Variants in TENM3 observed in about 807,000 individuals in gnomAD.
TENM3 encodes teneurin transmembrane protein 3.
Under a neutral mutation model 255.1 loss-of-function variants are expected in TENM3, and 63 were observed. The ratio of observed to expected loss-of-function variants is 0.25; its 90% CI spans 0.20 to 0.30. The LOEUF (loss-of-function observed/expected upper bound fraction) is 0.30. Ranked by LOEUF, TENM3 falls within the 10% of genes least tolerant of loss-of-function variation. TENM3 has a pLI of 1.00. For synonymous variants in TENM3, 1,306 were observed against 1,322.3 expected, an observed-to-expected ratio of 0.99 and a Z score of 0.27; for missense variants, 2,929 against 3,461.1, an observed-to-expected ratio of 0.85 and a Z score of 3.86.
At chr4:182,782,374 A>T (rs368024289) in intron 24 of TENM3, among the ~76,000 whole-genome samples, 21 of 127,010 alleles carry the variant, frequency 1.7e-4, no homozygotes, top group Non-Finnish European at 2.8e-4. Context: ...TTTGAGTGAG[A>T]TTCTTAATCC....
chr4:181,476,126 A>G, the TENM3 span, among the ~76,000 whole-genome samples: 1 of 152,148 alleles, frequency 6.6e-6, no homozygotes. Context: ...TGTTTAAGCT[A>G]CATCTTCCCT....
the TENM3 span, among the ~76,000 whole-genome samples, chr4:181,521,177 C>G: frequency 6.6e-6 from 1 of 152,196 alleles, no homozygotes; most frequent in African/African-American, 2.4e-5. Flanking sequence ...CATCTGAGAC[C>G]CTGGCGCCCT....
At chr4:182,581,029 T>C (rs1745447590) in intron 3 of TENM3, among the ~76,000 whole-genome samples, 1 of 152,218 alleles carries the variant, frequency 6.6e-6, no homozygotes. Flanking sequence ...AATTTTATTG[T>C]CATACAAAAA....
At chr4:182,262,722 T>TG (rs1758896278) in intron 1 of TENM3, among the ~76,000 whole-genome samples, 2 of 81,944 alleles carry the variant, frequency 2.4e-5, no homozygotes, top group African/African-American at 9.2e-5. Context: ...TTTACTTTCT[T>TG]TTTTTTTTTT....
rs76170453 is a variant in TENM3 at position 182,283,570 on chromosome 4, T to C, written c.-76+40094T>C. 5.9e-3 allele frequency among the ~76,000 whole-genome samples: 904 copies of C among 152,330 alleles called. 12 individuals are homozygous for C. Among genetic ancestry groups the C allele is most frequent in the African/African-American group, 0.021 (856 of 41,586 alleles). On this transcript the variant is annotated intron_variant, in intron 1 of 27. Coordinates refer to ENST00000511685, the MANE Select transcript of TENM3 (RefSeq NM_001080477.4). ...AAATGTATCTGGTTGGCTCCCAAGA[T>C]GGAGTGGCAGAGCTCATCTGTAGAG...
the TENM3 span, among the ~76,000 whole-genome samples, chr4:181,831,856 G>T: frequency 6.6e-6 from 1 of 151,984 alleles, no homozygotes; most frequent in Non-Finnish European, 1.5e-5. Flanking sequence ...TTTACTAGGA[G>T]CAATACACTA....
At position 182,681,886 on chromosome 4, in the gene TENM3, G is replaced by T; in HGVS notation, c.1907G>T (p.Trp636Leu). The T allele has an allele frequency of 6.2e-7, 1 of 1,613,878 alleles. No individual in the cohort carries two copies. The highest frequency in any genetic ancestry group is 8.5e-7 in the Non-Finnish European group (1 of 1,179,818). ...GGGGAATGTCACTGCAGTCCAGGAT[G>T]GGGAGGTAGCAATTGTGAAATACTG... ...IHGECHCSPG[W>L]GGSNCEILKT... Residue 636 changes from tryptophan (W) to leucine (L), a missense_variant, in exon 11 of 28, where the codon TGG becomes TTG. Transcript: ENST00000511685.
At chr4:182,359,476 A>AT (rs1490706735) in intron 3 of TENM3, among the ~76,000 whole-genome samples, 1 of 149,384 alleles carries the variant, frequency 6.7e-6, no homozygotes, top group Non-Finnish European at 1.5e-5. Flanking sequence ...GAATTTATCC[A>AT]TTTTTTCTAG....
chr4:181,592,828 A>C, the TENM3 span, among the ~76,000 whole-genome samples: 1 of 152,266 alleles, frequency 6.6e-6, no homozygotes, highest in East Asian at 1.9e-4. Context: ...TCTGAAGGTT[A>C]CTTCTGCTCA....
the TENM3 span, among the ~76,000 whole-genome samples, chr4:181,582,393 T>C: frequency 2.0e-5 from 3 of 152,162 alleles, no homozygotes; most frequent in Admixed American, 6.5e-5. Context: ...CTGATACTGA[T>C]GTACCTTCCT....
rs537804948 is a variant in TENM3, at chr4:182,612,133, G to A, written c.749+10972G>A. ...AAATACAAAAAAAAATTAGCCGGGC[G>A]TGGTGGCGGATGCCTGTAATCTGAG... On this transcript the variant is annotated intron_variant, in intron 4 of 27. Transcript: ENST00000511685. 8.5e-5 allele frequency among the ~76,000 whole-genome samples: 13 copies of A among 152,084 alleles called. No individual in the cohort carries two copies. In the South Asian group the frequency reaches 2.3e-3, roughly 27 times the overall value.
At chr4:182,667,807 G>A (rs979867478) in intron 6 of TENM3, among the ~76,000 whole-genome samples, 23 of 151,826 alleles carry the variant, frequency 1.5e-4, no homozygotes, top group African/African-American at 5.6e-4. Flanking sequence ...CATGGGGTGG[G>A]GGGAGTGGGG....
rs1469178346 is a variant in TENM3 at position 182,176,856 on chromosome 4, G to A, written c.-76+32102G>A. Among the ~76,000 whole-genome samples the A allele has an allele frequency of 9.2e-5, 10 of 108,722 alleles. No individual in the cohort carries two copies. In the Admixed American group the frequency reaches 1.1e-3, roughly 12 times the overall value. 71.3% of individuals were successfully genotyped at this position (108,722 alleles called of 152,430 possible). A position where few individuals can be genotyped will look rare whatever the true frequency, so the allele number is the denominator to read the frequency against. ...TTTTTTTTTTTTTTTTTGATTTTTA[G>A]TAGAGATGAGGTTTCACCATGTTGG... On this transcript the variant is annotated intron_variant, in intron 1 of 2. Coordinates refer to the TENM3 transcript ENST00000512480.
chr4:182,084,479 A>G, the TENM3 span, among the ~76,000 whole-genome samples: 1 of 152,226 alleles, frequency 6.6e-6, no homozygotes, highest in Non-Finnish European at 1.5e-5. Context: ...AGTAGCATTC[A>G]CTTACAGATT....
chr4:182,004,094 C>CA, the TENM3 span, among the ~76,000 whole-genome samples: 1 of 151,502 alleles, frequency 6.6e-6, no homozygotes, highest in African/African-American at 2.4e-5. Context: ...TTTATTTCTT[C>CA]TAAAAAAACA....
chr4:181,541,645 A>G, the TENM3 span, among the ~76,000 whole-genome samples: 1 of 152,194 alleles, frequency 6.6e-6, no homozygotes, highest in Non-Finnish European at 1.5e-5. Flanking sequence ...GATGCCAAGG[A>G]TGGCCCTCCC....
At chr4:181,773,672 C>A in the TENM3 span, among the ~76,000 whole-genome samples, 1 of 152,194 alleles carries the variant, frequency 6.6e-6, no homozygotes, top group Non-Finnish European at 1.5e-5. Context: ...AATGCTTCTA[C>A]ACATCAGTAG....
At chr4:181,898,401 T>C in the TENM3 span, among the ~76,000 whole-genome samples, 3 of 152,210 alleles carry the variant, frequency 2.0e-5, no homozygotes, top group Non-Finnish European at 4.4e-5. Context: ...TATTTATATC[T>C]AAAGCCTGTT....
At chr4:182,292,385 T>A (rs1163490535) in intron 1 of TENM3, among the ~76,000 whole-genome samples, 2 of 152,216 alleles carry the variant, frequency 1.3e-5, no homozygotes. Context: ...GGTAATAGAT[T>A]GCTTGTCTCA....
Sources: gnomAD v4.1 joint callset for allele counts (sites outside exome capture counted in the v4.1 genomes callset) on GRCh38, gnomAD v4.1.1 for gene constraint, MANE v1.5 for transcripts, NCBI Gene and HGNC (gene_info 2026-07-23, HGNC 2026-07-21) for gene names.